Variants in CCNC observed in about 807,000 individuals in gnomAD.
CCNC encodes the protein cyclin-C.
Under a neutral mutation model 50.0 loss-of-function variants are expected in CCNC, and 19 were observed. That is an observed-to-expected ratio of 0.38 (90% CI 0.27 to 0.56). CCNC has a LOEUF of 0.56. Ranked by LOEUF, CCNC falls within the 20% of genes least tolerant of loss-of-function variation. The pLI is 0.72. For synonymous variants in CCNC, 93 were observed against 103.7 expected (o/e 0.90, Z 0.63); for missense variants, 200 against 327.1 (o/e 0.61, Z 3.00).
intron 5 of CCNC, among the ~76,000 whole-genome samples, chr6:99,554,584 A>G (rs1419174668): frequency 6.6e-6 from 1 of 152,198 alleles, no homozygotes; most frequent in African/African-American, 2.4e-5. Flanking sequence ...TGATGCTCAA[A>G]TTCTTTCAGC....
chr6:99,565,648 G>C (rs1031802139), intron 1 of CCNC, among the ~76,000 whole-genome samples: 1 of 151,922 alleles, frequency 6.6e-6, no homozygotes, highest in South Asian at 2.1e-4. Flanking sequence ...CACCACTGCT[G>C]ATGCTTTATG....
chr6:99,555,914 CA>C (rs1290334770), intron 5 of CCNC, among the ~76,000 whole-genome samples: 2 of 152,058 alleles, frequency 1.3e-5, no homozygotes, highest in Non-Finnish European at 2.9e-5. Context: ...AACCCCCAGG[CA>C]AAAAAACCTC....
intron 7 of CCNC, 89 bp downstream of exon 7, chr6:99,550,898 AAAATGT>A: frequency 1.1e-5 from 7 of 636,504 alleles, no homozygotes; most frequent in Non-Finnish European, 1.7e-5. Flanking sequence ...GGATGGTTTT[AAAATGT>A]ACCTCTCTAA....
In CCNC at chr6:99,543,532, A is replaced by G. The variant is rs376523423; in HGVS notation, c.*23T>C. The G allele has an allele frequency of 5.0e-6, 8 of 1,611,554 alleles. No homozygotes were observed. The highest frequency in any genetic ancestry group is 6.8e-6 in the Non-Finnish European group (8 of 1,177,968). On this transcript the variant is annotated 3_prime_UTR_variant, in exon 12 of 12. Transcript: ENST00000520429. ...CCAATGGTTTATTTCCAAGTGGTCC[A>G]CTATGGAATTCTTCGGAATGTTTTA...
At chr6:99,568,684 CT>C, upstream of CCNC, 1 of 1,482,628 alleles carries the variant, frequency 6.7e-7, no homozygotes, top group South Asian at 1.3e-5. Context: ...GGATGGCCCC[CT>C]AGTCTCCTTC....
chr6:99,544,137 T>C (rs1801981433), intron 11 of CCNC: 3 of 1,473,466 alleles, frequency 2.0e-6, no homozygotes, highest in Non-Finnish European at 2.7e-6. Context: ...ATACTTAAAA[T>C]AAAAATGCTG....
chr6:99,562,445 CAT>C (rs1802822775), intron 2 of CCNC: 1 of 154,244 alleles, frequency 6.5e-6, no homozygotes, highest in South Asian at 2.0e-4. Flanking sequence ...AAACCTACTA[CAT>C]GTCAGAGTAA....
At chr6:99,553,883 A>C (rs763163152) in intron 5 of CCNC, among the ~76,000 whole-genome samples, 2 of 152,138 alleles carry the variant, frequency 1.3e-5, no homozygotes, top group African/African-American at 2.4e-5. Context: ...TTAACATCTT[A>C]CATTAGTATG....
chr6:99,562,936 A>C lies in CCNC; in HGVS notation c.45T>G (p.Ile15Met), dbSNP rs1471940594. The change falls in exon 2 of 12, where the codon ATT (isoleucine) becomes ATG (methionine). Residue 15 changes from isoleucine to methionine, a missense_variant. Physicochemically the swap from Ile to Met is conservative, Grantham distance 10. Transcript: ENST00000520429. ...FWQSSHYLQW[I>M]LDKQDLLKER... is the part of the protein sequence containing the mutation. ...CCTTCAACAGATCTTGTTTATCCAA[A>C]ATCCATTGCAAACTAGAAAAGACAT... The C allele has an allele frequency of 2.5e-6, 4 of 1,598,272 alleles. No homozygotes were observed. The Middle Eastern group carries it at 6.6e-4, about 265-fold the overall frequency.
Position 99,543,834 on chromosome 6 carries a change from T to G in CCNC, c.798-225A>C, listed in dbSNP as rs73760089. The G allele has an allele frequency of 5.2e-4, 710 of 1,367,710 alleles. 7 individuals are homozygous for G. The African/African-American group carries it at 9.6e-3, about 18-fold the overall frequency. 84.7% of individuals were successfully genotyped at this position (1,367,710 alleles called of 1,614,324 possible). The stretch of plus-strand genomic sequence containing the variant: ...TTTGTGCCCTCACATATAACAAGCA[T>G]TCTGGAAGTTAGTGTCCATATATAC... On this transcript the variant is annotated intron_variant, in intron 11 of 11. Transcript: ENST00000520429.
At chr6:99,549,772 A>G in intron 8 of CCNC, 197 bp from the exon 9 acceptor site, 1 of 424,588 alleles carries the variant, frequency 2.4e-6, no homozygotes, top group Non-Finnish European at 4.2e-6. Flanking sequence ...GCACATATCA[A>G]TGAATAAAAT....
chr6:99,563,961 T>C lies in CCNC; in HGVS notation c.33-1013A>G, dbSNP rs560398463. On this transcript the variant is annotated intron_variant, in intron 1 of 11. Coordinates refer to ENST00000520429, the MANE Select transcript of CCNC (RefSeq NM_005190.4). ...ATGATATTCTTCTTAATGAATATCTTTGTAATTCTCCTTGCATATTTGATT... is the reference window on the plus strand; with the variant it reads ...ATGATATTCTTCTTAATGAATATCTCTGTAATTCTCCTTGCATATTTGATT... 3.3e-5 allele frequency among the ~76,000 whole-genome samples: 5 copies of C among 152,344 alleles called. No individual in the cohort carries two copies. The East Asian group carries it at 9.6e-4, about 29-fold the overall frequency.
chr6:99,558,373 C>A, intron 5 of CCNC, 124 bp downstream of exon 5: 1 of 1,443,818 alleles, frequency 6.9e-7, no homozygotes, highest in Non-Finnish European at 9.2e-7. Context: ...TAAAGTTATC[C>A]TCAGGAAATT....
intron 5 of CCNC, 69 bp from the exon 6 acceptor site, chr6:99,551,964 A>G: frequency 1.8e-6 from 2 of 1,122,094 alleles, no homozygotes; most frequent in Non-Finnish European, 1.2e-6. Context: ...TTCCTTTAAC[A>G]GAGCAGAATA....
Position 99,549,414 on chromosome 6 carries a change from A to G in CCNC, c.598+94T>C, listed in dbSNP as rs915138373. The G allele has an allele frequency of 8.4e-6, 7 of 834,244 alleles. No individual in the cohort carries two copies. In the South Asian group the frequency reaches 9.9e-5, roughly 12 times the overall value. 51.7% of individuals were successfully genotyped at this position (834,244 alleles called of 1,614,324 possible). ...TTAGTCTATTACTTCATGGAACATA[A>G]AAACATAAAGTACAATAGGGTGAAA... On this transcript the variant is annotated intron_variant, in intron 9 of 11. Transcript: ENST00000520429.
chr6:99,546,017 C>T lies in CCNC; in HGVS notation c.678+378G>A, dbSNP rs993706314. On this transcript the variant is annotated intron_variant, in intron 10 of 11. Coordinates refer to ENST00000520429, the MANE Select transcript of CCNC (RefSeq NM_005190.4). ...GGAGTCTCGCTCTGTTGCCCAGGCT[C>T]GCGTGCAGTGGCACGATCTTGGCTC... 7.2e-5 allele frequency among the ~76,000 whole-genome samples: 11 copies of T among 151,976 alleles called. 1 individual carries two copies. The highest frequency in any genetic ancestry group is 4.6e-4 in the Admixed American group (7 of 15,242).
At position 99,549,548 on chromosome 6, in the gene CCNC, C is replaced by T. The variant is rs759045143; in HGVS notation, c.558G>A (p.Thr186=). 1.0e-5 allele frequency: 16 copies of T among 1,605,588 alleles called. No individual in the cohort carries two copies. The Admixed American group carries it at 1.8e-4, about 18-fold the overall frequency. The change falls in exon 9 of 12, where the codon ACG becomes ACA. Residue 186 remains threonine (T), a synonymous_variant. Coordinates refer to ENST00000520429, the MANE Select transcript of CCNC (RefSeq NM_005190.4). ...AWRIVNDTYR[T]DLCLLYPPFM... ...AAGGAGGATACAGTAGGCAAAGATC[C>T]GTTCTGTAGGTATCATTCACTATCC...
At chr6:99,559,191 T>TA (rs769090651) in intron 4 of CCNC, among the ~76,000 whole-genome samples, 5,081 of 119,250 alleles carry the variant, frequency 0.043, 282 homozygotes, top group African/African-American at 0.13. Context: ...CCAAAAGAAC[T>TA]AAAAAAAAAA....
At chr6:99,553,069 C>A (rs1263566158) in intron 5 of CCNC, among the ~76,000 whole-genome samples, 4 of 151,864 alleles carry the variant, frequency 2.6e-5, no homozygotes, top group African/African-American at 9.7e-5. Flanking sequence ...AATTCCATTT[C>A]TTCTATGCAC....
Sources: allele counts gnomAD v4.1 joint callset (sites outside exome capture counted in the v4.1 genomes callset), GRCh38; gene constraint gnomAD v4.1.1; transcripts MANE v1.5; gene names NCBI Gene and HGNC (gene_info 2026-07-23, HGNC 2026-07-21).